Variants in ABCA13 observed in about 807,000 individuals in gnomAD.
ABCA13 encodes ATP binding cassette subfamily A member 13.
A neutral mutation model predicts 478.7 loss-of-function variants in ABCA13; 476 were observed. That is an observed-to-expected ratio of 0.99 (90% CI 0.92 to 1.07). ABCA13 has a LOEUF of 1.07. Among genes scored for constraint, ABCA13 ranks in the 50% least tolerant of loss-of-function variants. The probability of loss-of-function intolerance (pLI) is 0.00; values close to 1 mark genes in which losing one functional copy is unlikely to be tolerated. For synonymous variants in ABCA13, 2,252 were observed against 2,158.9 expected, an observed-to-expected ratio of 1.04 and a Z score of -1.20; for missense variants, 6,060 against 5,910.6, an observed-to-expected ratio of 1.03 and a Z score of -0.83.
At chr7:48,572,808 A>G (rs1464449365) in intron 55 of ABCA13, among the ~76,000 whole-genome samples, 1 of 152,184 alleles carries the variant, frequency 6.6e-6, no homozygotes, top group African/African-American at 2.4e-5. Context: ...TGTATGATCC[A>G]TGTAATTTTT....
At chr7:48,187,985 G>A (rs1487294006) in intron 1 of ABCA13, among the ~76,000 whole-genome samples, 3 of 151,932 alleles carry the variant, frequency 2.0e-5, no homozygotes, top group Non-Finnish European at 2.9e-5. Flanking sequence ...TACTTGGGGA[G>A]TTCAGCCCAG....
chr7:48,311,305 A>G (rs1002010369), intron 24 of ABCA13, among the ~76,000 whole-genome samples: 1 of 152,200 alleles, frequency 6.6e-6, no homozygotes, highest in Non-Finnish European at 1.5e-5. Flanking sequence ...ATTTGTTTTC[A>G]GAATGATTAC....
chr7:48,323,023 T>A (rs529775055), intron 27 of ABCA13, among the ~76,000 whole-genome samples: 36 of 152,326 alleles, frequency 2.4e-4, no homozygotes, highest in African/African-American at 8.7e-4. Flanking sequence ...GTATCAGCAG[T>A]TGCCTCCTCT....
intron 51 of ABCA13, among the ~76,000 whole-genome samples, chr7:48,513,862 T>A (rs1475610349): frequency 6.6e-6 from 1 of 152,212 alleles, no homozygotes; most frequent in Non-Finnish European, 1.5e-5. Flanking sequence ...AAAAAAGTGA[T>A]GGAATCATAG....
chr7:48,388,028 GT>G, intron 36 of ABCA13, 69 bp downstream of exon 36: 1 of 1,512,024 alleles, frequency 6.6e-7, no homozygotes. Flanking sequence ...TTTTTTGTTT[GT>G]TTTTATGGTC....
At chr7:48,516,486 A>G (rs1832122388) in intron 51 of ABCA13, among the ~76,000 whole-genome samples, 1 of 152,146 alleles carries the variant, frequency 6.6e-6, no homozygotes, top group African/African-American at 2.4e-5. Context: ...GCACGCTGGC[A>G]TATTGCTGTA....
intron 52 of ABCA13, among the ~76,000 whole-genome samples, chr7:48,519,397 G>GTTC (rs1832370682): frequency 6.6e-6 from 1 of 152,164 alleles, no homozygotes; most frequent in Admixed American, 6.5e-5. Context: ...CCACAGTGGT[G>GTTC]AACAATAAGT....
At position 48,193,032 on chromosome 7, in the gene ABCA13, C is replaced by T; in HGVS notation, c.143C>T (p.Pro48Leu). Residue 48 changes from proline (P) to leucine (L), a missense_variant, in exon 2 of 62, where the codon CCT becomes CTT. Pro to Leu is a moderately conservative substitution (Grantham distance 98). This residue lies in a region of ABCA13 where 4,423 missense variants were observed against 4,309.1 expected (regional missense o/e 1.03). Coordinates refer to ENST00000435803, the MANE Select transcript of ABCA13 (RefSeq NM_152701.5). ...CTGACAGTTCTTCGTTTTCAAGAAC[C>T]TCCCAGATACAGAGACATTTGTAAG... ...VILTVLRFQE[P>L]PRYRDICYLQ... 2.6e-6 allele frequency: 4 copies of T among 1,533,608 alleles called. No homozygotes were observed. The highest frequency in any genetic ancestry group is 3.5e-6 in the Non-Finnish European group (4 of 1,145,566).
chr7:48,607,009 G>T lies in ABCA13; in HGVS notation c.14745-8276G>T, dbSNP rs1399677332. Among the ~76,000 whole-genome samples, 21 of 152,194 alleles carry T rather than the reference G, an allele frequency of 1.4e-4. No homozygotes were observed. The South Asian group carries it at 2.5e-3, about 18-fold the overall frequency. On this transcript the variant is annotated intron_variant, in intron 58 of 61. Transcript: ENST00000435803. ...TGAGGGCTTTGTTTACACTTTGAGG[G>T]TGAAACCGCGTACTGAAGCCTCAGC... is the stretch of plus-strand genomic sequence containing the variant.
intron 59 of ABCA13, among the ~76,000 whole-genome samples, chr7:48,624,466 G>A (rs1455789819): frequency 2.0e-5 from 3 of 152,134 alleles, no homozygotes; most frequent in South Asian, 4.2e-4. Context: ...AGTTTACAAT[G>A]TGAAATACTC....
chr7:48,472,984 C>T (rs1827673616), intron 45 of ABCA13, among the ~76,000 whole-genome samples: 1 of 152,120 alleles, frequency 6.6e-6, no homozygotes, highest in South Asian at 2.1e-4. Context: ...GCTGGGGAGG[C>T]CTCACAATCA....
intron 38 of ABCA13, among the ~76,000 whole-genome samples, chr7:48,402,044 G>A (rs1817685262): frequency 6.6e-6 from 1 of 152,148 alleles, no homozygotes; most frequent in African/African-American, 2.4e-5. Flanking sequence ...GCACAGGTGG[G>A]GACAAAGTGC....
At position 48,279,227 on chromosome 7, in the gene ABCA13, TG is replaced by T; in HGVS notation, c.8036del (p.Gly2679ValfsTer3). The part of the protein sequence containing the change: ...MDSVNLREEI[L>X]GCLVPINNIT... ...TCTGTCAACTTACGGGAAGAAATTC[TG>T]GGTTGCTTAGTTCCTATAAATAACA... On this transcript the variant is annotated frameshift_variant, in exon 18 of 62. Coordinates refer to ENST00000435803, the MANE Select transcript of ABCA13 (RefSeq NM_152701.5). LOFTEE classifies it high-confidence loss of function. 6.3e-7 allele frequency: 1 copy of T among 1,590,434 alleles called. No homozygotes were observed. The highest frequency in any genetic ancestry group is 1.3e-5 in the African/African-American group (1 of 74,842).
rs921014227 is a variant in ABCA13, at chr7:48,644,490, C to T, written c.14944-127C>T. ...GTCATCAATAAGCATTCATTGGAGA[C>T]TCACAAAATTAAGTGTAGGTTGAGA... On this transcript the variant is annotated intron_variant, in intron 60 of 61. Coordinates refer to ENST00000435803, the MANE Select transcript of ABCA13 (RefSeq NM_152701.5). The T allele has an allele frequency of 7.7e-5, 78 of 1,010,246 alleles. No homozygotes were observed. In the African/African-American group the frequency reaches 1.2e-3, roughly 15 times the overall value. The allele number at this position is 1,010,246 out of a possible 1,614,324, so 62.6% of individuals were successfully genotyped here.
intron 43 of ABCA13, among the ~76,000 whole-genome samples, chr7:48,456,733 A>G (rs1355220381): frequency 6.6e-6 from 1 of 152,144 alleles, no homozygotes; most frequent in Admixed American, 6.5e-5. Context: ...ATGGCTCTTT[A>G]GTAGTATGTT....
intron 20 of ABCA13, among the ~76,000 whole-genome samples, chr7:48,290,925 A>G (rs953710755): frequency 2.2e-4 from 28 of 129,486 alleles, no homozygotes; most frequent in Non-Finnish European, 4.1e-4. Context: ...AGGTTTAGAG[A>G]GCTTCACACT....
chr7:48,439,626 T>TA (rs1823311462), intron 42 of ABCA13, among the ~76,000 whole-genome samples: 2 of 152,186 alleles, frequency 1.3e-5, no homozygotes, highest in Admixed American at 1.3e-4. Flanking sequence ...CAAACTTTTG[T>TA]AATACTATAT....
In ABCA13 at chr7:48,645,802, G is replaced by A; in HGVS notation, c.*290G>A. ...ACAAAGGCATGAATGATTTGACAGT[G>A]TCCAAACTGAGACATTCTGGAGCTG... On this transcript the variant is annotated 3_prime_UTR_variant, in exon 62 of 62. Coordinates refer to ENST00000435803, the MANE Select transcript of ABCA13 (RefSeq NM_152701.5). 1 of 331,376 alleles carries A rather than the reference G, an allele frequency of 3.0e-6. No individual in the cohort carries two copies. The highest frequency in any genetic ancestry group is 5.6e-6 in the Non-Finnish European group (1 of 179,892). 20.5% of individuals were successfully genotyped at this position (331,376 alleles called of 1,614,324 possible). A position where few individuals can be genotyped will look rare whatever the true frequency, so the allele number is the denominator to read the frequency against.
chr7:48,417,339 C>A lies in ABCA13; in HGVS notation c.12459+4756C>A, dbSNP rs116558365. On this transcript the variant is annotated intron_variant, in intron 41 of 61. Transcript: ENST00000435803. ...CAAAAGAAACCCAGTGCCTTCTAGTCACATTTAGGATTTCCTAACTGGCCT... is the reference window on the plus strand; with the variant it reads ...CAAAAGAAACCCAGTGCCTTCTAGTAACATTTAGGATTTCCTAACTGGCCT... Among the ~76,000 whole-genome samples the A allele has an allele frequency of 4.8e-3, 735 of 152,162 alleles. 9 individuals are homozygous for A. The highest frequency in any genetic ancestry group is 0.017 in the African/African-American group (688 of 41,502).
Sources: gnomAD v4.1 joint callset for allele counts (sites outside exome capture counted in the v4.1 genomes callset) on GRCh38, gnomAD v4.1.1 for gene constraint, gnomAD v4.1.1 regional missense constraint, MANE v1.5 for transcripts, NCBI Gene and HGNC (gene_info 2026-07-23, HGNC 2026-07-21) for gene names.